The following ZNF444 variants were observed in gnomAD, a reference collection of about 807,000 sequenced individuals.
The protein encoded by ZNF444 is zinc finger protein 444, also known as endothelial zinc finger protein 2.
In ZNF444, 8 loss-of-function variants were observed where a neutral mutation model predicts 14.4. That is an observed-to-expected ratio of 0.56 (90% CI 0.33 to 1.00). The LOEUF (loss-of-function observed/expected upper bound fraction) is 1.00. Among genes scored for constraint, ZNF444 ranks in the 50% least tolerant of loss-of-function variants. ZNF444 has a pLI of 0.03. For missense variants in ZNF444, 510 were observed against 504.8 expected, an observed-to-expected ratio of 1.01 and a Z score of -0.10; for synonymous variants, 258 against 235.9, an observed-to-expected ratio of 1.09 and a Z score of -0.86.
chr19:56,158,613 G>A lies in ZNF444; in HGVS notation c.406+11G>A. The A allele has an allele frequency of 1.3e-6, 2 of 1,596,904 alleles. No homozygotes were observed. The highest frequency in any genetic ancestry group is 1.7e-6 in the Non-Finnish European group (2 of 1,171,372). The stretch of plus-strand genomic sequence containing the variant: ...GGATGATTCCCTTAGGTGAGCTGCT[G>A]GCCTCTCTGGTTCTCCCCGCCAGCC... On this transcript the variant is annotated intron_variant, in intron 4 of 4. Transcript: ENST00000337080.
upstream of ZNF444, among the ~76,000 whole-genome samples, chr19:56,137,470 AAAAAAGAAAAAG>A (rs540007242): frequency 6.6e-6 from 1 of 151,640 alleles, no homozygotes; most frequent in Non-Finnish European, 1.5e-5. Context: ...ACTCAGCCTC[AAAAAAGAAAAAG>A]AAAAAGAAAA....
At chr19:56,139,216 G>A (rs1458689806), upstream of ZNF444, among the ~76,000 whole-genome samples, 2 of 152,080 alleles carry the variant, frequency 1.3e-5, no homozygotes, top group Admixed American at 6.6e-5. Flanking sequence ...GTGTGGAGCA[G>A]GAACTGAGGG....
chr19:56,146,901 C>T lies in ZNF444; in HGVS notation c.-11C>T. ...CTTGTTCCCTGCAGGCGCTGCGGTC[C>T]GGGAGGCCCCATGGAGGTGGCGGTG... On this transcript the variant is annotated 5_prime_UTR_variant, in exon 3 of 5. Coordinates refer to ENST00000337080, the MANE Select transcript of ZNF444 (RefSeq NM_018337.4). 2 of 1,406,584 alleles carry T rather than the reference C, an allele frequency of 1.4e-6. No homozygotes were observed. The highest frequency in any genetic ancestry group is 1.6e-5 in the South Asian group (1 of 63,416). The allele number at this position is 1,406,584 out of a possible 1,614,324, so 87.1% of individuals were successfully genotyped here.
chr19:56,148,995 C>T (rs1052213680), intron 3 of ZNF444, among the ~76,000 whole-genome samples: 1 of 152,148 alleles, frequency 6.6e-6, no homozygotes, highest in African/African-American at 2.4e-5. Context: ...CCTCCGTCCT[C>T]AGAGTGCTGC....
chr19:56,154,722 G>T (rs982606333), intron 3 of ZNF444: 3 of 152,202 alleles, frequency 2.0e-5, no homozygotes, highest in African/African-American at 7.2e-5. Flanking sequence ...TGCTGGGGCA[G>T]GTGGAGCTTA....
chr19:56,158,741 A>G (rs2032062806), intron 4 of ZNF444, 139 bp downstream of exon 4: 2 of 723,878 alleles, frequency 2.8e-6, no homozygotes, highest in Non-Finnish European at 2.2e-6. Context: ...GTTCGGACCC[A>G]AGGGGCGGGC....
At chr19:56,141,149 C>A (rs140150305), upstream of ZNF444, 18 of 151,958 alleles carry the variant, frequency 1.2e-4, no homozygotes, top group African/African-American at 4.1e-4. Flanking sequence ...GCCGCCTTTG[C>A]CGCGATGCTT....
At chr19:56,148,976 A>C (rs942326376) in intron 3 of ZNF444, among the ~76,000 whole-genome samples, 6 of 152,054 alleles carry the variant, frequency 3.9e-5, no homozygotes, top group Non-Finnish European at 7.4e-5. Flanking sequence ...TCCTCGGCTC[A>C]TGGCCCTTCC....
chr19:56,160,532 T>G lies in ZNF444; in HGVS notation c.*331T>G. On this transcript the variant is annotated 3_prime_UTR_variant, in exon 5 of 5. Coordinates refer to ENST00000337080, the MANE Select transcript of ZNF444 (RefSeq NM_018337.4). ...GCCCAGCCTCCCTCTCCCTCCTCCA[T>G]TCCTCTCTCCCTGCCCTTTTCCTGC... is the stretch of plus-strand genomic sequence containing the variant. 326 of 248,334 alleles carry G rather than the reference T, an allele frequency of 1.3e-3. No individual in the cohort carries two copies. Among genetic ancestry groups the G allele is most frequent in the Middle Eastern group, 2.6e-3 (2 of 772 alleles). The allele number at this position is 248,334 out of a possible 1,614,324, so 15.4% of individuals were successfully genotyped here. A position where few individuals can be genotyped will look rare whatever the true frequency, so the allele number is the denominator to read the frequency against.
At position 56,159,519 on chromosome 19, in the gene ZNF444, A is replaced by G. The variant is rs139443858; in HGVS notation, c.407-105A>G. On this transcript the variant is annotated intron_variant, in intron 4 of 4. Coordinates refer to ENST00000337080, the MANE Select transcript of ZNF444 (RefSeq NM_018337.4). ...ACAGCCCAGCCCTCTTCCCACCCCA[A>G]TGGTTTCTGCCTTTAAGCGTTCCCT... 2.3e-3 allele frequency: 2,349 copies of G among 1,032,736 alleles called. 40 individuals are homozygous for G. In the African/African-American group the frequency reaches 0.028, roughly 12 times the overall value. The allele number at this position is 1,032,736 out of a possible 1,614,324, so 64.0% of individuals were successfully genotyped here. A position where few individuals can be genotyped will look rare whatever the true frequency, so the allele number is the denominator to read the frequency against.
At position 56,160,396 on chromosome 19, in the gene ZNF444, T is replaced by C. The variant is rs905627986; in HGVS notation, c.*195T>C. 1.4e-5 allele frequency: 7 copies of C among 505,246 alleles called. No homozygotes were observed. The highest frequency in any genetic ancestry group is 1.3e-4 in the Admixed American group (3 of 23,218). 31.3% of individuals were successfully genotyped at this position (505,246 alleles called of 1,614,324 possible). On this transcript the variant is annotated 3_prime_UTR_variant, in exon 5 of 5. Coordinates refer to ENST00000337080, the MANE Select transcript of ZNF444 (RefSeq NM_018337.4). The stretch of plus-strand genomic sequence containing the variant: ...CTTTTCCCCCAAATTTCACTTTCCT[T>C]CTCAGGTCTCACCTCAGCCCCCCCC...
intron 3 of ZNF444, among the ~76,000 whole-genome samples, chr19:56,153,211 C>T (rs565700085): frequency 6.6e-6 from 1 of 152,268 alleles, no homozygotes; most frequent in South Asian, 2.1e-4. Flanking sequence ...GTTCCCATCT[C>T]CTCAGAGTCT....
intron 3 of ZNF444, chr19:56,158,190 G>A: frequency 3.7e-6 from 1 of 267,748 alleles, no homozygotes; most frequent in Admixed American, 5.5e-5. Flanking sequence ...TGGGTCCGGA[G>A]TCTGTGAGTG....
chr19:56,153,755 G>C (rs1228410812), intron 3 of ZNF444, among the ~76,000 whole-genome samples: 1 of 152,192 alleles, frequency 6.6e-6, no homozygotes, highest in Non-Finnish European at 1.5e-5. Context: ...GGCAGCTCCA[G>C]CCAGTACCTG....
Position 56,145,573 on chromosome 19 carries a change from G to T in ZNF444, c.-196-674G>T, listed in dbSNP as rs1447495613. Among the ~76,000 whole-genome samples the T allele has an allele frequency of 1.3e-5, 2 of 151,686 alleles. No homozygotes were observed. The highest frequency in any genetic ancestry group is 2.9e-5 in the Non-Finnish European group (2 of 67,998). ...TGCACTCCATCCTGGGCAACAGAGC[G>T]AGACTCCATCTCAAAACAAAAATTA... On this transcript the variant is annotated intron_variant, in intron 1 of 4. Coordinates refer to ENST00000337080, the MANE Select transcript of ZNF444 (RefSeq NM_018337.4). The surrounding 1 kb of genome is among the most constrained non-coding windows in gnomAD (Gnocchi z 4.3).
upstream of ZNF444, among the ~76,000 whole-genome samples, chr19:56,140,484 C>CA (rs1348456529): frequency 6.6e-6 from 1 of 152,148 alleles, no homozygotes; most frequent in African/African-American, 2.4e-5. Context: ...CGCTGTCCCC[C>CA]AATTCACCCC....
chr19:56,147,835 C>A lies in ZNF444; in HGVS notation c.297+627C>A, dbSNP rs1427087151. On this transcript the variant is annotated intron_variant, in intron 3 of 4. Transcript: ENST00000337080. The surrounding 1 kb of genome is among the most constrained non-coding windows in gnomAD (Gnocchi z 5.9). ...CCCAGGGGCAGAGGGCAAAGCCAGG[C>A]CTCTCTGGGCAGGTTTGGTTTCTTG... 6.6e-6 allele frequency among the ~76,000 whole-genome samples: 1 copy of A among 152,156 alleles called. No individual in the cohort carries two copies. The highest frequency in any genetic ancestry group is 1.5e-5 in the Non-Finnish European group (1 of 68,014).
Position 56,159,681 on chromosome 19 carries a change from C to T in ZNF444, c.464C>T (p.Pro155Leu), listed in dbSNP as rs1488336548. ...CCTGGGGACTCCCAGGCTGTGCGCC[C>T]CTACAAGCAGGAGCCCAGCAGCCCC... ...PAPGDSQAVR[P>L]YKQEPSSPPL... The change falls in exon 5 of 5, where the codon CCC becomes CTC. Residue 155 changes from proline to leucine, a missense_variant. Physicochemically the swap from Pro to Leu is moderately conservative, Grantham distance 98 (BLOSUM62 -3). Transcript: ENST00000337080. 5 of 1,529,346 alleles carry T rather than the reference C, an allele frequency of 3.3e-6. No individual in the cohort carries two copies. The highest frequency in any genetic ancestry group is 2.5e-5 in the East Asian group (1 of 40,682). The allele number at this position is 1,529,346 out of a possible 1,614,324, so 94.7% of individuals were successfully genotyped here. A position where few individuals can be genotyped will look rare whatever the true frequency, so the allele number is the denominator to read the frequency against.
chr19:56,153,899 C>T (rs1275297988), intron 3 of ZNF444, among the ~76,000 whole-genome samples: 1 of 152,160 alleles, frequency 6.6e-6, no homozygotes, highest in African/African-American at 2.4e-5. Flanking sequence ...AAGCCAAACT[C>T]AGAAGATTAG....
Sources: allele counts gnomAD v4.1 joint callset (sites outside exome capture counted in the v4.1 genomes callset), GRCh38; gene constraint gnomAD v4.1.1; non-coding constraint Gnocchi (gnomAD v3.1); transcripts MANE v1.5; gene names NCBI Gene and HGNC (gene_info 2026-07-23, HGNC 2026-07-21).